GFAP: variants seen among roughly 807,000 people sequenced by gnomAD.
GFAP encodes glial fibrillary acidic protein.
A neutral mutation model predicts 49.3 loss-of-function variants in GFAP; 38 were observed. The observed-to-expected ratio is 0.77, with a 90% CI of 0.60 to 1.01. The LOEUF is 1.01. GFAP is among the 50% of genes least tolerant of loss of function. The pLI is 0.00. For missense variants in GFAP, 463 were observed against 579.1 expected (o/e 0.80, Z 2.06); for synonymous variants, 222 against 236.4 (o/e 0.94, Z 0.56).
At chr17:44,910,326 G>A in intron 7 of GFAP, 1 of 1,613,232 alleles carries the variant, frequency 6.2e-7, no homozygotes. Context: ...CTTGCTCAGG[G>A]ATCTGCAGAC....
chr17:44,907,828 TGTATTA>T (rs1284213333), intron 8 of GFAP: 2 of 621,888 alleles, frequency 3.2e-6, no homozygotes, highest in Non-Finnish European at 5.8e-6. Context: ...AGAGAGAGTG[TGTATTA>T]GGATCCCATC....
Position 44,909,082 on chromosome 17 carries a change from C to G in GFAP, c.1172-933G>C, listed in dbSNP as rs1323125185. 6.0e-5 allele frequency: 9 copies of G among 150,972 alleles called. No individual in the cohort carries two copies. The East Asian group carries it at 1.8e-3, about 29-fold the overall frequency. The allele number at this position is 150,972 out of a possible 1,614,324, so 9.4% of individuals were successfully genotyped here. On this transcript the variant is annotated intron_variant, in intron 7 of 8. Transcript: ENST00000588735. ...CACTACTGCATTCCAGCCTGAGTGA[C>G]AGAGGGACGCTCTGCCGAAGGAAGG...
At chr17:44,907,800 C>A in intron 8 of GFAP, 1 of 584,844 alleles carries the variant, frequency 1.7e-6, no homozygotes, top group East Asian at 2.9e-5. Flanking sequence ...GCAAGGCCCC[C>A]GAGTTTGAGG....
At chr17:44,912,003 A>G (rs2145634839) in intron 4 of GFAP, among the ~76,000 whole-genome samples, 1 of 152,354 alleles carries the variant, frequency 6.6e-6, no homozygotes, top group Non-Finnish European at 1.5e-5. Flanking sequence ...CAGCAAGCGA[A>G]TGAATGAACA....
In GFAP at chr17:44,904,093, G is replaced by A. The variant is rs991369634; in HGVS notation, c.*3254C>T. ...CGGACTTTGATGGGCGGGTGCTGAC[G>A]GAGGCAGCCCAGGTACGTGTGGGCA... is the stretch of plus-strand genomic sequence containing the variant. On this transcript the variant is annotated 3_prime_UTR_variant, in exon 9 of 9. Transcript: ENST00000588735. 7 of 1,550,628 alleles carry A rather than the reference G, an allele frequency of 4.5e-6. No individual in the cohort carries two copies. Among genetic ancestry groups the A allele is most frequent in the African/African-American group, 1.4e-5 (1 of 73,170 alleles).
At chr17:44,909,918 A>C in intron 7 of GFAP, 1 of 1,410,594 alleles carries the variant, frequency 7.1e-7, no homozygotes, top group South Asian at 1.5e-5. Context: ...GCACCCAAGG[A>C]CTCACCACCT....
intron 7 of GFAP, chr17:44,909,851 G>A: frequency 1.6e-6 from 2 of 1,256,354 alleles, no homozygotes; most frequent in Non-Finnish European, 2.0e-6. Context: ...CCCAGTGACA[G>A]GAAGAGGTGA....
At chr17:44,907,694 C>CAAGCTGG in intron 8 of GFAP, 1 of 560,130 alleles carries the variant, frequency 1.8e-6, no homozygotes, top group Non-Finnish European at 3.2e-6. Flanking sequence ...TTCCTTTTAC[C>CAAGCTGG]AAGCTGGAAA....
chr17:44,914,715 C>T, intron 1 of GFAP: 1 of 448,376 alleles, frequency 2.2e-6, no homozygotes, highest in Admixed American at 3.8e-5. Flanking sequence ...GCTCGCTGCC[C>T]ACAGTCACAA....
rs777059313 is a variant in GFAP at position 44,910,150 on chromosome 17, G to T, written c.1171+465C>A. 54 of 1,613,880 alleles carry T rather than the reference G, an allele frequency of 3.3e-5. No homozygotes were observed. Among genetic ancestry groups the T allele is most frequent in the Non-Finnish European group, 4.2e-5 (49 of 1,179,860 alleles). On this transcript the variant is annotated intron_variant, in intron 7 of 8. Transcript: ENST00000588735. ...GAGGCAGGCAGCTAACCGCGAGCCG[G>T]CGGCGTTCCATTTACAATCTGGTGA...
intron 6 of GFAP, chr17:44,910,867 A>G (rs1444100026): frequency 3.0e-6 from 2 of 662,384 alleles, no homozygotes; most frequent in Non-Finnish European, 5.1e-6. Context: ...GGAGGGGCGC[A>G]TGTCTATCTG....
In GFAP at chr17:44,904,147, C is replaced by T; in HGVS notation, c.*3200G>A. On this transcript the variant is annotated 3_prime_UTR_variant, in exon 9 of 9. Coordinates refer to ENST00000588735, the MANE Select transcript of GFAP (RefSeq NM_002055.5). ...ACATGCTGACCCGCTTCAGCATCCG[C>T]ATGTTCAGCTTGTTGGTTTTCAGGG... The T allele has an allele frequency of 1.3e-6, 2 of 1,550,380 alleles. No homozygotes were observed. Among genetic ancestry groups the T allele is most frequent in the South Asian group, 2.4e-5 (2 of 84,046 alleles).
chr17:44,913,663 T>G, intron 3 of GFAP, 65 bp downstream of exon 3: 2 of 1,260,490 alleles, frequency 1.6e-6, no homozygotes, highest in Non-Finnish European at 2.3e-6. Context: ...CTTCTCTGTC[T>G]CTGTCTCTCC....
Position 44,913,834 on chromosome 17 carries a change from A to G in GFAP, c.523-11T>C, listed in dbSNP as rs1393947430. 1.2e-6 allele frequency: 2 copies of G among 1,605,204 alleles called. No homozygotes were observed. Among genetic ancestry groups the G allele is most frequent in the Non-Finnish European group, 1.7e-6 (2 of 1,171,820 alleles). ...GGCTTCATCTGCTTCCTGGAGTGGC[A>G]GGAGGGGTGAGGAGTAGAGGGCCAC... On this transcript the variant is annotated splice_polypyrimidine_tract_variant and intron_variant, in intron 2 of 8. Coordinates refer to ENST00000588735, the MANE Select transcript of GFAP (RefSeq NM_002055.5).
In GFAP at chr17:44,907,159, G is replaced by A. The variant is rs558561745; in HGVS notation, c.*188C>T. On this transcript the variant is annotated 3_prime_UTR_variant, in exon 9 of 9. Transcript: ENST00000588735. ...AGTTGCTGGGTGCTGGGTGGGTGCC[G>A]TCTGGCAGGCCTGATACTGACGGAG... 2.5e-5 allele frequency: 16 copies of A among 643,322 alleles called. No homozygotes were observed. The highest frequency in any genetic ancestry group is 7.2e-5 in the African/African-American group (4 of 55,842). The allele number at this position is 643,322 out of a possible 1,614,324, so 39.9% of individuals were successfully genotyped here.
Position 44,903,838 on chromosome 17 carries a change from G to C in GFAP, c.*3509C>G. 1 of 1,549,464 alleles carries C rather than the reference G, an allele frequency of 6.5e-7. No individual in the cohort carries two copies. Among genetic ancestry groups the C allele is most frequent in the South Asian group, 1.2e-5 (1 of 83,956 alleles). ...CCCTGCCTCCTTCAGGTATGCACCTGGCCCTCACCACTGTGCTCCTGTGGG... is the reference window on the plus strand; with the variant it reads ...CCCTGCCTCCTTCAGGTATGCACCTCGCCCTCACCACTGTGCTCCTGTGGG... On this transcript the variant is annotated 3_prime_UTR_variant, in exon 9 of 9. Coordinates refer to ENST00000588735, the MANE Select transcript of GFAP (RefSeq NM_002055.5).
chr17:44,915,195 C>A lies in GFAP; in HGVS notation c.292G>T (p.Ala98Ser), dbSNP rs1401647655. 6.2e-7 allele frequency: 1 copy of A among 1,614,112 alleles called. No individual in the cohort carries two copies. The stretch of plus-strand genomic sequence containing the variant: ...GCCCGCAGCTGGTTCAGCTCAGCAG[C>A]CAGCGCCTTGTTTTGCTGTTCCAGG... The part of the protein sequence containing the change: ...RFLEQQNKAL[A>S]AELNQLRAKE... The change falls in exon 1 of 9, where the codon GCT becomes TCT. Residue 98 changes from alanine to serine, a missense_variant. Ala to Ser is a moderately conservative substitution (Grantham distance 99). Coordinates refer to ENST00000588735, the MANE Select transcript of GFAP (RefSeq NM_002055.5). This position sits in a 1 kb window ranked among gnomAD's most constrained non-coding sequence, Gnocchi z 4.1.
rs551196087 is a variant in GFAP at position 44,910,466 on chromosome 17, T to G, written c.1171+149A>C. 3 of 1,559,218 alleles carry G rather than the reference T, an allele frequency of 1.9e-6. No homozygotes were observed. The African/African-American group carries it at 4.1e-5, about 21-fold the overall frequency. ...AGAAGTACCCTGGTATGATAGGCTC[T>G]GGCTAGGAGCGCTGCAGTGTCACGA... is the stretch of plus-strand genomic sequence containing the variant. On this transcript the variant is annotated intron_variant, in intron 7 of 8. Coordinates refer to ENST00000588735, the MANE Select transcript of GFAP (RefSeq NM_002055.5).
At chr17:44,907,662 C>T (rs1741510447) in intron 8 of GFAP, 1 of 580,454 alleles carries the variant, frequency 1.7e-6, no homozygotes, top group Non-Finnish European at 3.1e-6. Context: ...GCCAAATCCC[C>T]TCTTCCCATT....
Sources: gnomAD v4.1 joint callset for allele counts (sites outside exome capture counted in the v4.1 genomes callset) on GRCh38, gnomAD v4.1.1 for gene constraint, Gnocchi (gnomAD v3.1) non-coding constraint, MANE v1.5 for transcripts, NCBI Gene and HGNC (gene_info 2026-07-23, HGNC 2026-07-21) for gene names.